ZNF609: variants seen among roughly 807,000 people sequenced by gnomAD.
ZNF609 encodes zinc finger protein 609.
Under a neutral mutation model 109.5 loss-of-function variants are expected in ZNF609, and 11 were observed. The observed-to-expected ratio is 0.10, with a 90% confidence interval of 0.06 to 0.17. ZNF609 has a LOEUF of 0.17. Among genes scored for constraint, ZNF609 ranks in the 10% least tolerant of loss-of-function variants. The pLI is 1.00. For synonymous variants in ZNF609, 646 were observed against 662.0 expected, an observed-to-expected ratio of 0.98 and a Z score of 0.37; for missense variants, 1,559 against 1,772.4, an observed-to-expected ratio of 0.88 and a Z score of 2.16.
intron 1 of ZNF609, among the ~76,000 whole-genome samples, chr15:64,488,910 A>AG (rs1424763867): frequency 5.4e-5 from 1 of 18,670 alleles, no homozygotes; most frequent in Non-Finnish European, 3.8e-4. Context: ...TTGTTTCTAC[A>AG]AAAAAAAGAA....
intron 2 of ZNF609, among the ~76,000 whole-genome samples, chr15:64,503,231 C>G (rs1893587234): frequency 6.6e-6 from 1 of 152,156 alleles, no homozygotes; most frequent in Non-Finnish European, 1.5e-5. Context: ...GAGCTCTGTG[C>G]TGTTTCCCAG....
At chr15:64,509,871 T>C (rs1296936306) in intron 2 of ZNF609, among the ~76,000 whole-genome samples, 2 of 152,228 alleles carry the variant, frequency 1.3e-5, no homozygotes, top group Admixed American at 6.5e-5. Context: ...ACTAGTCTTT[T>C]GAAGGGATTA....
At chr15:64,634,318 C>CTTAGCAGGAAG (rs1353325601) in intron 3 of ZNF609, among the ~76,000 whole-genome samples, 1 of 152,124 alleles carries the variant, frequency 6.6e-6, no homozygotes, top group East Asian at 1.9e-4. Context: ...TATGGTTTTG[C>CTTAGCAGGAAG]TTAGCAGGAA....
chr15:64,618,935 G>A (rs1895840017), intron 2 of ZNF609, among the ~76,000 whole-genome samples: 1 of 152,102 alleles, frequency 6.6e-6, no homozygotes, highest in African/African-American at 2.4e-5. Flanking sequence ...ATTTGGGCGG[G>A]AAAACAAAAA....
chr15:64,471,843 A>G (rs950998574), intron 1 of ZNF609, among the ~76,000 whole-genome samples: 1 of 152,078 alleles, frequency 6.6e-6, no homozygotes, highest in Non-Finnish European at 1.5e-5. Flanking sequence ...TCGGCCTCCC[A>G]AAGTGCTGGG....
intron 3 of ZNF609, among the ~76,000 whole-genome samples, chr15:64,648,361 A>G (rs1255375197): frequency 6.6e-6 from 1 of 152,134 alleles, no homozygotes; most frequent in Admixed American, 6.6e-5. Flanking sequence ...GCATGGTGTC[A>G]TACACCTGTA....
intron 1 of ZNF609, among the ~76,000 whole-genome samples, chr15:64,464,329 G>C (rs1175326464): frequency 6.6e-6 from 1 of 152,200 alleles, no homozygotes; most frequent in African/African-American, 2.4e-5. Flanking sequence ...GCAATGATAT[G>C]TGTTCTCCAG....
chr15:64,674,413 A>G lies in ZNF609; in HGVS notation c.1559A>G (p.His520Arg), dbSNP rs1402942520. ...NGLKYHQAHA[H>R]TDDDSKPEAD... is the part of the protein sequence containing the mutation. ...CTTAAGTACCACCAAGCTCATGCCC[A>G]TACAGATGATGACAGCAAGCCGGAA... Residue 520 changes from histidine (H) to arginine (R), a missense_variant, in exon 5 of 10, where the codon CAT becomes CGT. His to Arg is a conservative substitution (Grantham distance 29, BLOSUM62 0). Transcript: ENST00000326648. 6.2e-7 allele frequency: 1 copy of G among 1,614,218 alleles called. No individual in the cohort carries two copies. The highest frequency in any genetic ancestry group is 2.2e-5 in the East Asian group (1 of 44,880).
At chr15:64,485,639 A>C (rs1466674315) in intron 1 of ZNF609, among the ~76,000 whole-genome samples, 2 of 151,702 alleles carry the variant, frequency 1.3e-5, no homozygotes, top group Admixed American at 6.6e-5. Flanking sequence ...CCTGTCTACA[A>C]AATTTTTTTT....
At position 64,681,968 on chromosome 15, in the gene ZNF609, G is replaced by C. The variant is rs1211861488; in HGVS notation, c.*282G>C. 6.5e-6 allele frequency: 1 copy of C among 152,856 alleles called. No individual in the cohort carries two copies. Among genetic ancestry groups the C allele is most frequent in the African/African-American group, 2.4e-5 (1 of 41,444 alleles). 9.5% of individuals were successfully genotyped at this position (152,856 alleles called of 1,614,324 possible). A position where few individuals can be genotyped will look rare whatever the true frequency, so the allele number is the denominator to read the frequency against. On this transcript the variant is annotated 3_prime_UTR_variant, in exon 10 of 10. Coordinates refer to ENST00000326648, the MANE Select transcript of ZNF609 (RefSeq NM_015042.2). ...TATTGTGGCCTCTGTGGAGATGAAG[G>C]CACGGGAAGCAACCAGGGGAACATG...
chr15:64,536,729 C>G (rs1039151293), intron 2 of ZNF609, among the ~76,000 whole-genome samples: 25 of 140,636 alleles, frequency 1.8e-4, no homozygotes, highest in African/African-American at 6.1e-4. Context: ...TTCCACCCCC[C>G]CCCCCAAAAA....
intron 3 of ZNF609, among the ~76,000 whole-genome samples, chr15:64,663,649 C>T (rs1332380155): frequency 6.6e-6 from 1 of 151,950 alleles, no homozygotes; most frequent in African/African-American, 2.4e-5. Context: ...GGAGGAAAAC[C>T]AGGAGAGTAT....
At chr15:64,490,139 T>C (rs1226699260) in intron 1 of ZNF609, among the ~76,000 whole-genome samples, 1 of 152,084 alleles carries the variant, frequency 6.6e-6, no homozygotes, top group Non-Finnish European at 1.5e-5. Context: ...TTTATTTTTA[T>C]TTTTGTAGAG....
intron 3 of ZNF609, among the ~76,000 whole-genome samples, chr15:64,658,091 C>G (rs1017875826): frequency 6.6e-6 from 1 of 152,180 alleles, no homozygotes; most frequent in African/African-American, 2.4e-5. Context: ...GCTTAGTTAA[C>G]TTCTCTATAA....
At chr15:64,519,950 T>G (rs1452040878) in intron 2 of ZNF609, among the ~76,000 whole-genome samples, 1 of 152,136 alleles carries the variant, frequency 6.6e-6, no homozygotes, top group East Asian at 1.9e-4. Flanking sequence ...TATATGGAGG[T>G]TATAGTATAA....
chr15:64,567,352 C>T (rs1458054641), intron 2 of ZNF609, among the ~76,000 whole-genome samples: 5 of 151,596 alleles, frequency 3.3e-5, no homozygotes, highest in Non-Finnish European at 4.4e-5. Flanking sequence ...CGTGGTGGTG[C>T]GCACCTGTAG....
At chr15:64,593,030 A>G (rs933725984) in intron 2 of ZNF609, 8 of 1,585,782 alleles carry the variant, frequency 5.0e-6, no homozygotes, top group Non-Finnish European at 6.8e-6. Context: ...CCGCGGCCAC[A>G]TGCAGCCTAT....
chr15:64,611,899 AT>A (rs1024456554), intron 2 of ZNF609, among the ~76,000 whole-genome samples: 2 of 147,468 alleles, frequency 1.4e-5, no homozygotes, highest in East Asian at 2.1e-4. Context: ...TGCCCGGCTA[AT>A]TTTTTTTTGT....
At position 64,500,074 on chromosome 15, in the gene ZNF609, C is replaced by T; in HGVS notation, c.655C>T (p.Pro219Ser). 2 of 1,614,018 alleles carry T rather than the reference C, an allele frequency of 1.2e-6. No individual in the cohort carries two copies. The highest frequency in any genetic ancestry group is 1.7e-6 in the Non-Finnish European group (2 of 1,179,988). The stretch of plus-strand genomic sequence containing the variant: ...GCCACTTGGGAGTATAGCTATTGAG[C>T]CTGGGGCAGCGCTCAATCCTTTGGG... Reference protein sequence around the residue: ...VEPLGSIAIEPGAALNPLGTK... With the variant: ...VEPLGSIAIESGAALNPLGTK... The change falls in exon 2 of 10, where the codon CCT (proline) becomes TCT (serine). Residue 219 changes from proline (P) to serine (S), a missense_variant. Around this residue, in one of 4 missense-constraint regions of ZNF609, gnomAD observed 291 missense variants for 317.8 expected, o/e 0.92. Coordinates refer to ENST00000326648, the MANE Select transcript of ZNF609 (RefSeq NM_015042.2).
Sources: allele counts gnomAD v4.1 joint callset (sites outside exome capture counted in the v4.1 genomes callset), GRCh38; gene constraint gnomAD v4.1.1; regional missense constraint gnomAD v4.1.1; transcripts MANE v1.5; gene names NCBI Gene and HGNC (gene_info 2026-07-23, HGNC 2026-07-21).